Variants in CDH26 observed in about 807,000 individuals in gnomAD.
CDH26 encodes the protein cadherin 26, also known as cadherin-like protein 26.
Under a neutral mutation model 90.3 loss-of-function variants are expected in CDH26, and 83 were observed. The ratio of observed to expected loss-of-function variants is 0.92; its 90% CI spans 0.77 to 1.10. The LOEUF (loss-of-function observed/expected upper bound fraction) is 1.10. Ranked by LOEUF, CDH26 falls within the 50% of genes least tolerant of loss-of-function variation. The pLI is 0.00. For synonymous variants in CDH26, 397 were observed against 396.3 expected (o/e 1.00, Z -0.02); for missense variants, 1,013 against 1,037.6 (o/e 0.98, Z 0.33).
intron 4 of CDH26, among the ~76,000 whole-genome samples, chr20:59,977,121 T>C (rs1002686253): frequency 6.6e-6 from 1 of 152,148 alleles, no homozygotes; most frequent in African/African-American, 2.4e-5. Context: ...GGTGCCTTCC[T>C]CCAGGGCTTC....
In CDH26 at chr20:59,969,015, C is replaced by T; in HGVS notation, c.118C>T (p.Gln40Ter). ...VQQETDDLTK[Q>*]TKEKIYQPLR... Reference sequence around the variant, plus strand: ...ACAGGAAACAGATGATCTTACTAAGCAAACAAAGGTGAGGTTTGGAAGTCA... The same window carrying T: ...ACAGGAAACAGATGATCTTACTAAGTAAACAAAGGTGAGGTTTGGAAGTCA... The change falls in exon 2 of 18, where the codon CAA becomes TAA. Residue 40 changes from glutamine to a stop codon, truncating the protein, a stop_gained. Transcript: ENST00000348616. LOFTEE classifies it high-confidence loss of function. 6.3e-7 allele frequency: 1 copy of T among 1,590,192 alleles called. No homozygotes were observed. The highest frequency in any genetic ancestry group is 1.7e-4 in the Middle Eastern group (1 of 5,984).
intron 16 of CDH26, 104 bp downstream of exon 16, chr20:60,002,970 T>A (rs1366291591): frequency 4.3e-6 from 3 of 700,658 alleles, no homozygotes; most frequent in Non-Finnish European, 6.6e-6. Flanking sequence ...AAAGAGGTGA[T>A]AAAAAAAAAT....
In CDH26 at chr20:60,030,482, T is replaced by A. The variant is rs1398209517; in HGVS notation, c.948-749T>A. Among the ~76,000 whole-genome samples the A allele has an allele frequency of 6.6e-6, 1 of 152,206 alleles. No individual in the cohort carries two copies. Among genetic ancestry groups the A allele is most frequent in the Non-Finnish European group, 1.5e-5 (1 of 68,034 alleles). On this transcript the variant is annotated intron_variant, in intron 7 of 8. Transcript: ENST00000370991. The surrounding 1 kb of genome is among the most constrained non-coding windows in gnomAD (Gnocchi z 4.0). ...TGGACTTCCTTTGGGTAGTTCCCCA[T>A]CTCTTCATCCTCTGTTTCTGTAAGT...
chr20:60,001,351 G>A lies in CDH26; in HGVS notation c.2106G>A (p.Glu702=). The part of the protein sequence containing the change: ...AGPTQGVKDL[E]EVPPSAASQS... ...CAGCATTTTCCCTCTAGGATCTCGA[G>A]GAAGTGCCTCCATCTGCAGCGAGTC... is the stretch of plus-strand genomic sequence containing the variant. Residue 702 remains glutamate (E), a synonymous_variant, in exon 15 of 18, where the codon GAG becomes GAA. Transcript: ENST00000348616. 1.2e-6 allele frequency: 2 copies of A among 1,614,018 alleles called. No individual in the cohort carries two copies. Among genetic ancestry groups the A allele is most frequent in the East Asian group, 2.2e-5 (1 of 44,884 alleles).
chr20:59,978,404 C>A (rs1433969697), intron 4 of CDH26, among the ~76,000 whole-genome samples: 1 of 147,624 alleles, frequency 6.8e-6, no homozygotes, highest in Non-Finnish European at 1.5e-5. Flanking sequence ...GAGATGAAGT[C>A]TTGCTCTGTC....
intron 7 of CDH26, among the ~76,000 whole-genome samples, chr20:60,024,277 G>A (rs1022141171): frequency 3.5e-4 from 53 of 152,146 alleles, no homozygotes; most frequent in African/African-American, 1.2e-3. Flanking sequence ...CCCACACTGG[G>A]TACGGCAGGG....
chr20:60,005,494 ATG>A (rs2061736328), intron 16 of CDH26, among the ~76,000 whole-genome samples: 1 of 151,986 alleles, frequency 6.6e-6, no homozygotes, highest in Admixed American at 6.6e-5. Flanking sequence ...GTATGTATGT[ATG>A]TATGTATGTA....
At chr20:59,987,266 G>A (rs748164040) in intron 7 of CDH26, among the ~76,000 whole-genome samples, 187 bp from the exon 8 acceptor site, 9 of 152,168 alleles carry the variant, frequency 5.9e-5, no homozygotes, top group East Asian at 1.9e-4. Context: ...TGTAACAGAC[G>A]GAGTTGCAAA....
intron 7 of CDH26, chr20:60,031,152 A>G: frequency 9.6e-7 from 1 of 1,036,392 alleles, no homozygotes; most frequent in Non-Finnish European, 1.2e-6. Context: ...GCTGGCGGGA[A>G]TGTAGCAGTG....
intron 8 of CDH26, among the ~76,000 whole-genome samples, chr20:60,032,548 C>G (rs57285899): frequency 6.6e-6 from 1 of 151,998 alleles, no homozygotes; most frequent in Non-Finnish European, 1.5e-5. Context: ...CACATGCACA[C>G]GTATGTTTAT....
At chr20:59,967,823 TTC>T (rs1183165317) in intron 1 of CDH26, among the ~76,000 whole-genome samples, 1 of 51,758 alleles carries the variant, frequency 1.9e-5, no homozygotes, top group Non-Finnish European at 3.4e-5. Flanking sequence ...ATTTCTTTCT[TTC>T]TTTCTTTCTT....
rs1224162831 is a variant in CDH26, at chr20:59,983,075, G to A, written c.541+5G>A. The A allele has an allele frequency of 2.5e-6, 4 of 1,612,882 alleles. No homozygotes were observed. The African/African-American group carries it at 5.3e-5, about 22-fold the overall frequency. On this transcript the variant is annotated splice_donor_5th_base_variant and intron_variant, in intron 5 of 17. Transcript: ENST00000348616. Reference sequence around the variant, plus strand: ...TGCAAGAAAACCAATCTGCAGGTGTGTGCGGCTGGGGGGCTGCCGGGCTTC... The same window carrying A: ...TGCAAGAAAACCAATCTGCAGGTGTATGCGGCTGGGGGGCTGCCGGGCTTC...
At chr20:59,999,490 T>C (rs1001357446) in intron 13 of CDH26, 96 bp from the exon 14 acceptor site, 1 of 1,006,244 alleles carries the variant, frequency 9.9e-7, no homozygotes, top group Non-Finnish European at 1.5e-6. Flanking sequence ...ATAGATACAA[T>C]GTGTTTTGGA....
chr20:60,025,147 T>G (rs195022), intron 7 of CDH26, among the ~76,000 whole-genome samples: 68,083 of 152,100 alleles, frequency 0.45, 15,510 homozygotes, highest in African/African-American at 0.53. Flanking sequence ...TAAGTCAGCA[T>G]TTGTGGGGGC....
At chr20:60,015,921 A>G (rs184319432), downstream of CDH26, among the ~76,000 whole-genome samples, 1 of 152,322 alleles carries the variant, frequency 6.6e-6, no homozygotes, top group Non-Finnish European at 1.5e-5. Flanking sequence ...TTTGTCAAAA[A>G]TCAGTTGGCT....
chr20:59,965,179 C>T (rs1489984863), intron 1 of CDH26, among the ~76,000 whole-genome samples: 8 of 152,168 alleles, frequency 5.3e-5, no homozygotes, highest in Non-Finnish European at 8.8e-5. Flanking sequence ...CAAATATTAT[C>T]GTTAGCCCTG....
intron 16 of CDH26, among the ~76,000 whole-genome samples, chr20:60,004,973 G>A (rs2061727404): frequency 6.6e-6 from 1 of 151,606 alleles, no homozygotes; most frequent in Non-Finnish European, 1.5e-5. Context: ...TTTGAACTGT[G>A]TGGGTGCACT....
rs1182527993 is a variant in CDH26 at position 59,958,477 on chromosome 20, C to A, written c.-250C>A. On this transcript the variant is annotated 5_prime_UTR_variant, in exon 1 of 18. Coordinates refer to ENST00000348616, the MANE Select transcript of CDH26 (RefSeq NM_177980.4). ...TGGTGGCTTTAGTTTCTACCCCACC[C>A]TTCCTAGGAACTCTACTTGTGGCAA... 1 of 486,906 alleles carries A rather than the reference C, an allele frequency of 2.1e-6. No homozygotes were observed. Among genetic ancestry groups the A allele is most frequent in the Non-Finnish European group, 3.7e-6 (1 of 271,132 alleles). The allele number at this position is 486,906 out of a possible 1,614,324, so 30.2% of individuals were successfully genotyped here.
At chr20:60,011,195 A>G (rs1313954635) in intron 17 of CDH26, among the ~76,000 whole-genome samples, 1 of 152,122 alleles carries the variant, frequency 6.6e-6, no homozygotes, top group Non-Finnish European at 1.5e-5. Flanking sequence ...GGCAGGGGAG[A>G]GTTGGTGATG....
Sources: allele counts gnomAD v4.1 joint callset (sites outside exome capture counted in the v4.1 genomes callset), GRCh38; gene constraint gnomAD v4.1.1; non-coding constraint Gnocchi (gnomAD v3.1); transcripts MANE v1.5; gene names NCBI Gene and HGNC (gene_info 2026-07-23, HGNC 2026-07-21).